RGS9: variants seen among roughly 807,000 people sequenced by gnomAD.
RGS9 encodes the protein regulator of G-protein signalling 9.
RGS9 carries 78 observed loss-of-function variants against 102.0 expected under a neutral mutation model. That is an observed-to-expected ratio of 0.76 (90% CI 0.64 to 0.92). The LOEUF (loss-of-function observed/expected upper bound fraction) is 0.92, where lower values mean the gene tolerates loss of function less well. Among genes scored for constraint, RGS9 ranks in the 40% least tolerant of loss-of-function variants. The pLI, the probability that RGS9 is intolerant of heterozygous loss-of-function variation, is 0.00. For missense variants in RGS9, 833 were observed against 866.1 expected (o/e 0.96, Z 0.48); for synonymous variants, 353 against 318.6 (o/e 1.11, Z -1.15).
At chr17:65,219,410 C>G (rs1432499285) in intron 17 of RGS9, among the ~76,000 whole-genome samples, 1 of 152,082 alleles carries the variant, frequency 6.6e-6, no homozygotes, top group African/African-American at 2.4e-5. Context: ...CCACAGGGCC[C>G]GTTGAAATCC....
intron 8 of RGS9, among the ~76,000 whole-genome samples, chr17:65,168,738 C>T (rs111961576): frequency 3.9e-5 from 6 of 152,030 alleles, no homozygotes; most frequent in African/African-American, 1.5e-4. Flanking sequence ...AGATCCAGTT[C>T]CCAGCAGCTG....
intron 17 of RGS9, among the ~76,000 whole-genome samples, chr17:65,215,783 A>C (rs1819470552): frequency 6.6e-6 from 1 of 151,878 alleles, no homozygotes; most frequent in South Asian, 2.1e-4. Context: ...CTGGTCTCGA[A>C]CACCTGACCT....
chr17:65,160,986 C>A, intron 6 of RGS9, 77 bp downstream of exon 6: 1 of 1,175,330 alleles, frequency 8.5e-7, no homozygotes, highest in Non-Finnish European at 1.3e-6. Context: ...CTCATTCCCA[C>A]ATCACTACAT....
chr17:65,155,161 C>T (rs1910723039), intron 2 of RGS9, among the ~76,000 whole-genome samples: 1 of 152,198 alleles, frequency 6.6e-6, no homozygotes, highest in South Asian at 2.1e-4. Flanking sequence ...CTCTGGGCAC[C>T]CAAAGAGTGG....
rs1911046545 is a variant in RGS9 at position 65,163,045 on chromosome 17, C to G, written c.456C>G (p.Asn152Lys). 1 of 1,602,056 alleles carries G rather than the reference C, an allele frequency of 6.2e-7. No individual in the cohort carries two copies. Residue 152 changes from asparagine to lysine, a missense_variant, in exon 7 of 19, where the codon AAC becomes AAG. Around this residue, in one of 3 missense-constraint regions of RGS9, gnomAD observed 328 missense variants for 340.6 expected, o/e 0.96. Transcript: ENST00000262406. ...ACAATTTCTTGAACCAAAAAATGAA[C>G]TATAAGTGGGACTTTGTCATTATGC... ...ENYNFLNQKM[N>K]YKWDFVIMQA...
intron 16 of RGS9, among the ~76,000 whole-genome samples, chr17:65,208,657 A>C (rs1461702334): frequency 6.6e-6 from 1 of 152,130 alleles, no homozygotes; most frequent in Non-Finnish European, 1.5e-5. Flanking sequence ...TATAAATTGA[A>C]TGGCAGCTTG....
In RGS9 at chr17:65,160,244, T is replaced by C. The variant is rs1407669380; in HGVS notation, c.217T>C (p.Leu73=). ...LWISSLEAQN[L]GNFIVRYGYI... is the part of the protein sequence containing the mutation. ...ACTGCTTTTCCCAGAGGCACAGAAC[T>C]TGGGCAACTTTATTGTCAGGTATGG... The change falls in exon 4 of 19, where the codon TTG becomes CTG. Residue 73 remains leucine (L), a synonymous_variant. Coordinates refer to ENST00000262406, the MANE Select transcript of RGS9 (RefSeq NM_003835.4). 3 of 1,613,998 alleles carry C rather than the reference T, an allele frequency of 1.9e-6. No individual in the cohort carries two copies. The South Asian group carries it at 3.3e-5, about 18-fold the overall frequency.
chr17:65,224,888 A>C, intron 17 of RGS9, 114 bp from the exon 18 acceptor site: 1 of 1,416,034 alleles, frequency 7.1e-7, no homozygotes, highest in Non-Finnish European at 9.8e-7. Flanking sequence ...CAGCCATATC[A>C]GGCCCGCACT....
chr17:65,198,187 T>C (rs1164088028), intron 13 of RGS9, among the ~76,000 whole-genome samples: 1 of 151,944 alleles, frequency 6.6e-6, no homozygotes, highest in Non-Finnish European at 1.5e-5. Flanking sequence ...TAGGAGGGTG[T>C]GGATTTTAGT....
At position 65,158,281 on chromosome 17, in the gene RGS9, C is replaced by G. The variant is rs769268121; in HGVS notation, c.155-14C>G. On this transcript the variant is annotated splice_polypyrimidine_tract_variant and intron_variant, in intron 2 of 18. Coordinates refer to ENST00000262406, the MANE Select transcript of RGS9 (RefSeq NM_003835.4). ...AGGCTATGACAATAACCGCAAATGT[C>G]TCTTGTTTTTCAGGAAGTGATGTTC... The G allele has an allele frequency of 6.2e-7, 1 of 1,613,950 alleles. No homozygotes were observed. Among genetic ancestry groups the G allele is most frequent in the East Asian group, 2.2e-5 (1 of 44,874 alleles).
At chr17:65,200,616 A>G (rs1238367045) in intron 13 of RGS9, among the ~76,000 whole-genome samples, 1 of 152,210 alleles carries the variant, frequency 6.6e-6, no homozygotes, top group East Asian at 1.9e-4. Flanking sequence ...AAGGACCTCT[A>G]TAGAGCTATG....
intron 17 of RGS9, among the ~76,000 whole-genome samples, chr17:65,214,602 G>A (rs1335303032): frequency 6.6e-6 from 1 of 152,202 alleles, no homozygotes; most frequent in African/African-American, 2.4e-5. Flanking sequence ...AGGGCATGTG[G>A]GCAGAGCCCA....
Position 65,191,245 on chromosome 17 carries a change from C to T in RGS9, c.746+1009C>T, listed in dbSNP as rs567730659. Among the ~76,000 whole-genome samples, 15 of 152,170 alleles carry T rather than the reference C, an allele frequency of 9.9e-5. No individual in the cohort carries two copies. The East Asian group carries it at 2.7e-3, about 27-fold the overall frequency. ...TTCCATAAACCCAGTTTCATGAAAC[C>T]AAACAGAAAGAAAATGGAAGGAGAC... On this transcript the variant is annotated intron_variant, in intron 11 of 18. Transcript: ENST00000262406.
At chr17:65,194,600 A>G (rs1320846056) in intron 12 of RGS9, among the ~76,000 whole-genome samples, 2 of 152,110 alleles carry the variant, frequency 1.3e-5, no homozygotes, top group Non-Finnish European at 2.9e-5. Flanking sequence ...TCAGTTTTGA[A>G]TAGTCATTGC....
At chr17:65,200,054 C>T (rs527300777) in intron 13 of RGS9, among the ~76,000 whole-genome samples, 79 of 152,244 alleles carry the variant, frequency 5.2e-4, no homozygotes, top group Non-Finnish European at 8.8e-4. Flanking sequence ...GCTTTTGAGA[C>T]GGAGTCTTGC....
rs570825977 is a variant in RGS9 at position 65,160,259 on chromosome 17, G to A, written c.232G>A (p.Val78Ile). The change falls in exon 4 of 19, where the codon GTC becomes ATC. Residue 78 changes from valine (V) to isoleucine (I), a missense_variant. Coordinates refer to ENST00000262406, the MANE Select transcript of RGS9 (RefSeq NM_003835.4). ...GGCACAGAACTTGGGCAACTTTATT[G>A]TCAGGTATGGCTACATTTACCCCCT... The part of the protein sequence containing the change: ...LEAQNLGNFI[V>I]RYGYIYPLQD... 30 of 1,614,148 alleles carry A rather than the reference G, an allele frequency of 1.9e-5. No homozygotes were observed. The Middle Eastern group carries it at 6.6e-4, about 36-fold the overall frequency.
intron 7 of RGS9, among the ~76,000 whole-genome samples, chr17:65,164,614 A>G (rs994360676): frequency 7.2e-5 from 11 of 152,244 alleles, no homozygotes; most frequent in African/African-American, 2.6e-4. Context: ...AACACTGTTT[A>G]TGGGAGAGCT....
chr17:65,215,481 TTTCTTTCG>T (rs1368873446), intron 17 of RGS9, among the ~76,000 whole-genome samples: 1,553 of 120,774 alleles, frequency 0.013, 21 homozygotes, highest in Middle Eastern at 0.033. Flanking sequence ...TTTCTCTATC[TTTCTTTCG>T]TTCTTTCGTT....
intron 7 of RGS9, among the ~76,000 whole-genome samples, chr17:65,167,214 T>C (rs1911222474): frequency 6.6e-6 from 1 of 152,150 alleles, no homozygotes; most frequent in Admixed American, 6.5e-5. Flanking sequence ...TATTTATTTT[T>C]TTTTGAGACG....
Sources: gnomAD v4.1 joint callset for allele counts (sites outside exome capture counted in the v4.1 genomes callset) on GRCh38, gnomAD v4.1.1 for gene constraint, gnomAD v4.1.1 regional missense constraint, MANE v1.5 for transcripts, NCBI Gene and HGNC (gene_info 2026-07-23, HGNC 2026-07-21) for gene names.